The following PET100 variants were observed in gnomAD, a reference collection of about 807,000 sequenced individuals.
PET100 encodes protein PET100 homolog, mitochondrial.
Under a neutral mutation model 13.6 loss-of-function variants are expected in PET100, and 13 were observed. The observed-to-expected ratio is 0.96, with a 90% CI of 0.62 to 1.52. PET100 has a LOEUF of 1.52. PET100 is among the 40% of genes most tolerant of loss of function. The probability of loss-of-function intolerance (pLI) is 0.00; values close to 1 mark genes in which losing one functional copy is unlikely to be tolerated. For missense variants in PET100, 94 were observed against 95.3 expected (o/e 0.99, Z 0.06); for synonymous variants, 28 against 30.8 (o/e 0.91, Z 0.30).
At chr19:7,630,985 G>T in intron 3 of PET100, 139 bp downstream of exon 3, 1 of 1,117,770 alleles carries the variant, frequency 8.9e-7, no homozygotes, top group Non-Finnish European at 1.3e-6. Context: ...GAGGTGGGTA[G>T]ATCACTTGAG....
chr19:7,630,541 G>C, intron 1 of PET100, 32 bp from the exon 2 acceptor site: 2 of 1,492,388 alleles, frequency 1.3e-6, no homozygotes, highest in South Asian at 1.2e-5. Context: ...TGCTTGGGGG[G>C]AGCTCACCTC....
In PET100 at chr19:7,631,536, G is replaced by C. The variant is rs978345033; in HGVS notation, c.202G>C (p.Asp68His). The C allele has an allele frequency of 2.0e-6, 3 of 1,535,792 alleles. No homozygotes were observed. The highest frequency in any genetic ancestry group is 1.4e-5 in the African/African-American group (1 of 73,004). The change falls in exon 4 of 4, where the codon GAC becomes CAC. Residue 68 changes from aspartate to histidine, a missense_variant. Asp to His is a moderately conservative substitution (Grantham distance 81). Transcript: ENST00000594797. ...GCGGCGGGAGGAGAAGCTCCTTCGCGACGCCCAGCAGAACTCCTGAGGCCT... is the reference window on the plus strand; with the variant it reads ...GCGGCGGGAGGAGAAGCTCCTTCGCCACGCCCAGCAGAACTCCTGAGGCCT... Reference protein sequence around the residue: ...RKRREEKLLRDAQQNS With the variant: ...RKRREEKLLRHAQQNS
rs1420696208 is a variant in PET100, at chr19:7,631,602, T to C, written c.*46T>C. On this transcript the variant is annotated 3_prime_UTR_variant, in exon 4 of 4. Transcript: ENST00000594797. The stretch of plus-strand genomic sequence containing the variant: ...AGCCCCTCCCCTGATGAAATATACA[T>C]ATACTCAGTTCCTTGTTATTCATTT... The C allele has an allele frequency of 6.7e-7, 1 of 1,499,214 alleles. No individual in the cohort carries two copies. The highest frequency in any genetic ancestry group is 8.9e-7 in the Non-Finnish European group (1 of 1,126,550). 92.9% of individuals were successfully genotyped at this position (1,499,214 alleles called of 1,614,324 possible).
chr19:7,629,845 G>C lies in PET100; in HGVS notation c.12G>C (p.Lys4Asn). 1 of 1,535,962 alleles carries C rather than the reference G, an allele frequency of 6.5e-7. No homozygotes were observed. The highest frequency in any genetic ancestry group is 8.7e-7 in the Non-Finnish European group (1 of 1,146,392). MGV[K>N]LEIFRMIIYL... ...CCGGGAGAAACGAGATGGGGGTGAA[G>C]CTGGAGATATTTCGGGTCAGTGGAC... is the stretch of plus-strand genomic sequence containing the variant. The change falls in exon 1 of 4, where the codon AAG becomes AAC. Residue 4 changes from lysine to asparagine, a missense_variant. Physicochemically the swap from Lys to Asn is moderately conservative, Grantham distance 94. Coordinates refer to ENST00000594797, the MANE Select transcript of PET100 (RefSeq NM_001171155.2).
rs140968677 is a variant in PET100 at position 7,631,945 on chromosome 19, A to G, written c.*389A>G. The G allele has an allele frequency of 7.8e-3, 6,943 of 891,466 alleles. 287 individuals are homozygous for G. The Admixed American group carries it at 0.12, about 16-fold the overall frequency. The allele number at this position is 891,466 out of a possible 1,614,324, so 55.2% of individuals were successfully genotyped here. On this transcript the variant is annotated 3_prime_UTR_variant, in exon 4 of 4. Transcript: ENST00000594797. ...GCACTGGTCTATGTTTACCCTCAAT[A>G]TCTGCCATTTAGGGTGGCATTTGAG... is the stretch of plus-strand genomic sequence containing the variant.
At chr19:7,630,063 G>C (rs1599376433) in intron 1 of PET100, 1 of 614,726 alleles carries the variant, frequency 1.6e-6, no homozygotes. Flanking sequence ...TTCTGGGTTT[G>C]GGGGCTGTGA....
At chr19:7,631,409 T>TTGGGGGGGGGGGGGGGGGG in intron 3 of PET100, 64 bp from the exon 4 acceptor site, 1 of 638,366 alleles carries the variant, frequency 1.6e-6, no homozygotes, top group Non-Finnish European at 2.2e-6. Flanking sequence ...CGGGGGGGGG[T>TTGGGGGGGGGGGGGGGGGG]GGTCCCGGCT....
At chr19:7,630,166 C>T in intron 1 of PET100, 1 of 464,118 alleles carries the variant, frequency 2.2e-6, no homozygotes, top group Non-Finnish European at 3.8e-6. Context: ...AGCTCTCGGG[C>T]TCGTGGTGGG....
At chr19:7,629,899 G>T in intron 1 of PET100, 39 bp downstream of exon 1, 1 of 1,490,452 alleles carries the variant, frequency 6.7e-7, no homozygotes, top group African/African-American at 1.4e-5. Flanking sequence ...GCTGGGCAGG[G>T]GATCTTCCTG....
At chr19:7,629,952 A>G in intron 1 of PET100, 92 bp downstream of exon 1, 1 of 1,370,778 alleles carries the variant, frequency 7.3e-7, no homozygotes, top group South Asian at 1.5e-5. Context: ...TCAAAGGAAG[A>G]GGGAGCTCCA....
chr19:7,630,800 C>T lies in PET100; in HGVS notation c.115-23C>T, dbSNP rs928557050. On this transcript the variant is annotated intron_variant, in intron 2 of 3. Coordinates refer to ENST00000594797, the MANE Select transcript of PET100 (RefSeq NM_001171155.2). Reference sequence around the variant, plus strand: ...GCTCTGGAGGCCTTTGGCTCGTGTCCCATTTGTGACTTTTCCTTACAGAGG... The same window carrying T: ...GCTCTGGAGGCCTTTGGCTCGTGTCTCATTTGTGACTTTTCCTTACAGAGG... The T allele has an allele frequency of 3.9e-6, 6 of 1,537,068 alleles. No homozygotes were observed. In the African/African-American group the frequency reaches 8.2e-5, roughly 21 times the overall value.
chr19:7,630,277 G>C (rs2031247072), intron 1 of PET100: 1 of 487,910 alleles, frequency 2.0e-6, no homozygotes, highest in Admixed American at 3.6e-5. Context: ...AGTGGGGATG[G>C]GTAATGAGGT....
In PET100 at chr19:7,631,591, TG is replaced by T. The variant is rs2031304641; in HGVS notation, c.*36del. ...GTGGGAGTCCTAGCCCCTCCCCTGATGAAATATACATATACTCAGTTCCTTG... is the reference window on the plus strand; with the variant it reads ...GTGGGAGTCCTAGCCCCTCCCCTGATAAATATACATATACTCAGTTCCTTG... On this transcript the variant is annotated 3_prime_UTR_variant, in exon 4 of 4. Transcript: ENST00000594797. The T allele has an allele frequency of 5.3e-6, 8 of 1,518,598 alleles. No individual in the cohort carries two copies. Among genetic ancestry groups the T allele is most frequent in the Non-Finnish European group, 5.3e-6 (6 of 1,138,018 alleles). 94.1% of individuals were successfully genotyped at this position (1,518,598 alleles called of 1,614,324 possible).
At chr19:7,630,186 A>G (rs780355947) in intron 1 of PET100, 12 of 463,968 alleles carry the variant, frequency 2.6e-5, no homozygotes, top group South Asian at 2.0e-4. Flanking sequence ...GTGGGTGTCT[A>G]TGACAGGGAG....
At chr19:7,630,731 G>A in intron 2 of PET100, 72 bp downstream of exon 2, 1 of 1,532,412 alleles carries the variant, frequency 6.5e-7, no homozygotes. Flanking sequence ...GTCTGCTGGG[G>A]ACTAATGTCT....
rs767601221 is a variant in PET100, at chr19:7,631,647, C to T, written c.*91C>T. The T allele has an allele frequency of 5.5e-6, 8 of 1,456,598 alleles. No homozygotes were observed. The highest frequency in any genetic ancestry group is 7.3e-6 in the Non-Finnish European group (8 of 1,102,244). 90.2% of individuals were successfully genotyped at this position (1,456,598 alleles called of 1,614,324 possible). On this transcript the variant is annotated 3_prime_UTR_variant, in exon 4 of 4. Transcript: ENST00000594797. ...TCATTTAAGTGTTTTATTCTTTTAT[C>T]AGTTTTTGGGGGCCGAGTGAGACCC...
chr19:7,631,469 C>G lies in PET100; in HGVS notation c.139-4C>G. ...TCCTGTCCCACCCGCTTCTCCACCC[C>G]TAGCTTCAAGAGATAGAGGAATTCA... On this transcript the variant is annotated splice_polypyrimidine_tract_variant and splice_region_variant and intron_variant, in intron 3 of 3. Transcript: ENST00000594797. 2 of 1,535,804 alleles carry G rather than the reference C, an allele frequency of 1.3e-6. No homozygotes were observed. The highest frequency in any genetic ancestry group is 1.7e-6 in the Non-Finnish European group (2 of 1,146,508).
intron 3 of PET100, chr19:7,631,124 C>CT (rs1345555209): frequency 1.2e-6 from 1 of 818,966 alleles, no homozygotes; most frequent in African/African-American, 1.7e-5. Context: ...AGAAGAATCA[C>CT]TTGAACCCAG....
rs2031326019 is a variant in PET100, at chr19:7,631,889, C to T, written c.*333C>T. 1.5e-6 allele frequency: 2 copies of T among 1,302,800 alleles called. No homozygotes were observed. The highest frequency in any genetic ancestry group is 1.5e-5 in the African/African-American group (1 of 66,086). 80.7% of individuals were successfully genotyped at this position (1,302,800 alleles called of 1,614,324 possible). A position where few individuals can be genotyped will look rare whatever the true frequency, so the allele number is the denominator to read the frequency against. ...GGTGGCGAACAATGGAGAGAGGGTG[C>T]AGGTAGCCACCGTGTCCCACCTCAT... On this transcript the variant is annotated 3_prime_UTR_variant, in exon 4 of 4. Coordinates refer to ENST00000594797, the MANE Select transcript of PET100 (RefSeq NM_001171155.2).
Sources: allele counts gnomAD v4.1 joint callset, GRCh38; gene constraint gnomAD v4.1.1; transcripts MANE v1.5; gene names NCBI Gene and HGNC (gene_info 2026-07-23, HGNC 2026-07-21).